Variants in ASTN2 observed in about 807,000 individuals in gnomAD.
The protein encoded by ASTN2 is astrotactin 2, also known as astrotactin-2.
A neutral mutation model predicts 139.8 loss-of-function variants in ASTN2; 54 were observed. The ratio of observed to expected loss-of-function variants is 0.39; its 90% CI spans 0.31 to 0.48. The LOEUF (loss-of-function observed/expected upper bound fraction) is 0.48, where lower values mean the gene tolerates loss of function less well. ASTN2 is among the 20% of genes least tolerant of loss of function. The probability of loss-of-function intolerance (pLI) is 0.95; values close to 1 mark genes in which losing one functional copy is unlikely to be tolerated. For missense variants in ASTN2, 1,565 were observed against 1,725.1 expected (o/e 0.91, Z 1.64); for synonymous variants, 756 against 719.5 (o/e 1.05, Z -0.81).
intron 2 of ASTN2, among the ~76,000 whole-genome samples, chr9:117,257,958 G>A (rs1833731226): frequency 6.6e-6 from 1 of 152,192 alleles, no homozygotes; most frequent in African/African-American, 2.4e-5. Context: ...CAGTTTTCAG[G>A]TTATAGGTTT....
At chr9:117,203,673 C>T (rs1039715630) in intron 3 of ASTN2, among the ~76,000 whole-genome samples, 3 of 152,138 alleles carry the variant, frequency 2.0e-5, no homozygotes, top group Non-Finnish European at 4.4e-5. Context: ...TGATTCACTC[C>T]TGTGCCTGGA....
At chr9:116,538,480 T>C (rs1282726335) in intron 19 of ASTN2, among the ~76,000 whole-genome samples, 1 of 152,182 alleles carries the variant, frequency 6.6e-6, no homozygotes, top group Non-Finnish European at 1.5e-5. Flanking sequence ...GTGATTCTCA[T>C]ACCCAAGGGC....
At chr9:116,805,486 A>G (rs1395318266) in intron 13 of ASTN2, 146 bp downstream of exon 13, 2 of 667,218 alleles carry the variant, frequency 3.0e-6, no homozygotes, top group African/African-American at 3.6e-5. Flanking sequence ...ATGACTTTCC[A>G]CACTCCTTAA....
intron 6 of ASTN2, among the ~76,000 whole-genome samples, chr9:117,036,844 T>C (rs917506987): frequency 6.6e-6 from 1 of 152,174 alleles, no homozygotes; most frequent in African/African-American, 2.4e-5. Context: ...GTATCTGAGA[T>C]CTGTTAGTAT....
At chr9:116,617,327 T>C (rs559774045) in intron 19 of ASTN2, among the ~76,000 whole-genome samples, 3 of 152,316 alleles carry the variant, frequency 2.0e-5, no homozygotes, top group Admixed American at 2.0e-4. Flanking sequence ...ATAAAGGTCC[T>C]TTCATTCTTT....
intron 13 of ASTN2, among the ~76,000 whole-genome samples, chr9:116,745,197 G>T (rs922704971): frequency 4.6e-5 from 7 of 152,172 alleles, no homozygotes; most frequent in Non-Finnish European, 8.8e-5. Flanking sequence ...GGCCTTGCAG[G>T]TGTTTTCTTG....
chr9:116,690,152 T>C (rs977145197), intron 16 of ASTN2, among the ~76,000 whole-genome samples: 7 of 152,232 alleles, frequency 4.6e-5, no homozygotes, highest in African/African-American at 1.7e-4. Context: ...TTACTCTAAT[T>C]TCCTATGTTA....
At chr9:116,580,389 C>T (rs914891721) in intron 19 of ASTN2, among the ~76,000 whole-genome samples, 1 of 152,174 alleles carries the variant, frequency 6.6e-6, no homozygotes, top group South Asian at 2.1e-4. Flanking sequence ...TGACAAGATT[C>T]ATCCCACATC....
chr9:116,996,015 G>C (rs1837003481), intron 7 of ASTN2, among the ~76,000 whole-genome samples: 1 of 151,822 alleles, frequency 6.6e-6, no homozygotes, highest in South Asian at 2.1e-4. Context: ...AATTTTCTCA[G>C]ATTTTTTTAG....
At chr9:116,474,834 C>T (rs1270264254) in intron 20 of ASTN2, among the ~76,000 whole-genome samples, 1 of 152,222 alleles carries the variant, frequency 6.6e-6, no homozygotes, top group Non-Finnish European at 1.5e-5. Context: ...GCTGGGCATG[C>T]AGCCTAGGTG....
intron 10 of ASTN2, among the ~76,000 whole-genome samples, chr9:116,910,298 G>A (rs986203717): frequency 1.9e-4 from 29 of 152,160 alleles, no homozygotes; most frequent in African/African-American, 6.5e-4. Context: ...CTTTAAGCTA[G>A]GATTTCTTAA....
At chr9:116,796,082 A>C (rs1194676320) in intron 13 of ASTN2, among the ~76,000 whole-genome samples, 2 of 152,156 alleles carry the variant, frequency 1.3e-5, no homozygotes, top group Admixed American at 1.3e-4. Flanking sequence ...GCAGCCCTCT[A>C]TGGCACGTGG....
intron 13 of ASTN2, among the ~76,000 whole-genome samples, chr9:116,742,728 C>T (rs1240650049): frequency 6.6e-6 from 1 of 152,104 alleles, no homozygotes; most frequent in Non-Finnish European, 1.5e-5. Flanking sequence ...GGGGATAAAA[C>T]TGTCAAGACT....
chr9:116,738,283 C>T (rs914223031), intron 13 of ASTN2, among the ~76,000 whole-genome samples: 2 of 151,940 alleles, frequency 1.3e-5, no homozygotes, highest in African/African-American at 4.8e-5. Flanking sequence ...GAAAGATCCC[C>T]TGAGGTCAGG....
At chr9:117,141,598 C>T (rs892182338) in intron 3 of ASTN2, 120 bp from the exon 4 acceptor site, 3 of 897,568 alleles carry the variant, frequency 3.3e-6, no homozygotes, top group African/African-American at 3.5e-5. Flanking sequence ...ACCTGGCCAC[C>T]CTAATTCCTT....
intron 6 of ASTN2, among the ~76,000 whole-genome samples, chr9:117,037,622 G>T (rs1838425026): frequency 6.6e-6 from 1 of 152,068 alleles, no homozygotes; most frequent in Non-Finnish European, 1.5e-5. Flanking sequence ...ATTTTCTCAG[G>T]GATTCCATTT....
chr9:116,568,468 C>T (rs1853347301), intron 19 of ASTN2: 1 of 152,166 alleles, frequency 6.6e-6, no homozygotes, highest in Admixed American at 6.5e-5. Context: ...ACCTGTCCAT[C>T]TTCAGAACCT....
chr9:116,655,719 T>A (rs1858171486), intron 16 of ASTN2, among the ~76,000 whole-genome samples: 1 of 152,092 alleles, frequency 6.6e-6, no homozygotes, highest in South Asian at 2.1e-4. Context: ...ATATACAGCG[T>A]CTCACTCTGT....
At chr9:116,998,569 C>CCATCCATCCATA (rs1348382240) in intron 7 of ASTN2, among the ~76,000 whole-genome samples, 175 of 148,406 alleles carry the variant, frequency 1.2e-3, no homozygotes, top group Non-Finnish European at 1.8e-3. Flanking sequence ...ATCCATCCAT[C>CCATCCATCCATA]CATACATCCA....
Sources: allele counts gnomAD v4.1 joint callset (sites outside exome capture counted in the v4.1 genomes callset), GRCh38; gene constraint gnomAD v4.1.1; transcripts MANE v1.5; gene names NCBI Gene and HGNC (gene_info 2026-07-23, HGNC 2026-07-21).